Variants in TAFA5 observed in about 807,000 individuals in gnomAD.
TAFA5 encodes the protein chemokine-like protein TAFA-5.
TAFA5 carries 6 observed loss-of-function variants against 15.3 expected under a neutral mutation model. The ratio of observed to expected loss-of-function variants is 0.39; its 90% CI spans 0.21 to 0.77. The LOEUF (loss-of-function observed/expected upper bound fraction) is 0.77. Among genes scored for constraint, TAFA5 ranks in the 30% least tolerant of loss-of-function variants. TAFA5 has a pLI of 0.41. For synonymous variants in TAFA5, 103 were observed against 80.7 expected (o/e 1.28, Z -1.48); for missense variants, 161 against 193.1 (o/e 0.83, Z 0.98).
rs58974376 is a variant in TAFA5, at chr22:48,496,520, A to G, written c.112+6816A>G. Among the ~76,000 whole-genome samples, 510 of 152,262 alleles carry G rather than the reference A, an allele frequency of 3.3e-3. 12 individuals are homozygous for G. In the East Asian group the frequency reaches 0.053, roughly 16 times the overall value. ...GAAACCCTTCTATACAATGATGTCAACCCTGCAGGCAGAGGAGCCAGGGGA... is the reference window on the plus strand; with the variant it reads ...GAAACCCTTCTATACAATGATGTCAGCCCTGCAGGCAGAGGAGCCAGGGGA... On this transcript the variant is annotated intron_variant, in intron 1 of 3. Transcript: ENST00000402357.
At chr22:48,681,600 G>A (rs557588450) in intron 2 of TAFA5, among the ~76,000 whole-genome samples, 5 of 148,816 alleles carry the variant, frequency 3.4e-5, no homozygotes, top group South Asian at 2.1e-4. Context: ...GCAGTGAGCC[G>A]AGATTGTGCC....
chr22:48,708,445 A>G (rs1245552415), intron 3 of TAFA5, among the ~76,000 whole-genome samples: 2 of 152,166 alleles, frequency 1.3e-5, no homozygotes, highest in African/African-American at 4.8e-5. Context: ...GCTCTTCCCA[A>G]GGGCGGGAGC....
chr22:48,591,557 G>A (rs758281262), intron 1 of TAFA5, among the ~76,000 whole-genome samples: 7 of 152,262 alleles, frequency 4.6e-5, no homozygotes, highest in Non-Finnish European at 7.3e-5. Context: ...TCCTGCTGGC[G>A]CAGGGAGTGG....
chr22:48,586,515 G>T (rs1399001334), intron 1 of TAFA5, among the ~76,000 whole-genome samples: 3 of 152,244 alleles, frequency 2.0e-5, no homozygotes, highest in Non-Finnish European at 4.4e-5. Flanking sequence ...GATGGCCCCA[G>T]CAGTGACCTT....
intron 1 of TAFA5, among the ~76,000 whole-genome samples, chr22:48,581,981 G>C (rs1569033953): frequency 6.6e-6 from 1 of 152,098 alleles, no homozygotes; most frequent in East Asian, 1.9e-4. Flanking sequence ...GGGTCTGCGT[G>C]GAACATGGGA....
At chr22:48,497,010 C>T (rs1928350435) in intron 1 of TAFA5, among the ~76,000 whole-genome samples, 1 of 152,222 alleles carries the variant, frequency 6.6e-6, no homozygotes, top group African/African-American at 2.4e-5. Context: ...ACTGGAGGCC[C>T]CCTCCTTATG....
At chr22:48,626,716 C>CT (rs1926036613) in intron 1 of TAFA5, among the ~76,000 whole-genome samples, 1 of 152,150 alleles carries the variant, frequency 6.6e-6, no homozygotes, top group Non-Finnish European at 1.5e-5. Flanking sequence ...AAATGGTTTT[C>CT]TTTCATAGAG....
intron 2 of TAFA5, among the ~76,000 whole-genome samples, chr22:48,693,907 G>A (rs1012792011): frequency 2.0e-5 from 3 of 152,280 alleles, no homozygotes; most frequent in South Asian, 2.1e-4. Context: ...TGTTTCCGCC[G>A]GGTGGGGAAA....
chr22:48,592,666 A>C (rs189994685), intron 1 of TAFA5, among the ~76,000 whole-genome samples: 316 of 110,746 alleles, frequency 2.9e-3, no homozygotes, highest in African/African-American at 7.1e-3. Flanking sequence ...TCCCTCCCTC[A>C]CTCCCTCCTC....
intron 1 of TAFA5, among the ~76,000 whole-genome samples, chr22:48,615,637 C>A (rs1164526748): frequency 6.6e-6 from 1 of 152,208 alleles, no homozygotes; most frequent in African/African-American, 2.4e-5. Flanking sequence ...CTTCTGGCCC[C>A]TGTTCCACAT....
At chr22:48,671,883 A>G (rs769195410) in intron 2 of TAFA5, among the ~76,000 whole-genome samples, 51 of 152,142 alleles carry the variant, frequency 3.4e-4, no homozygotes, top group Non-Finnish European at 6.3e-4. Context: ...AGACCCAAAC[A>G]ATATCTGATG....
chr22:48,697,204 A>G (rs1222461875), intron 2 of TAFA5, among the ~76,000 whole-genome samples: 3 of 152,186 alleles, frequency 2.0e-5, no homozygotes, highest in African/African-American at 7.2e-5. Context: ...GCATCCTCAT[A>G]CCTGAAATGA....
At chr22:48,685,349 C>T (rs1928320520) in intron 2 of TAFA5, among the ~76,000 whole-genome samples, 1 of 152,230 alleles carries the variant, frequency 6.6e-6, no homozygotes, top group African/African-American at 2.4e-5. Flanking sequence ...TGAAATCTCT[C>T]TTGGATCCAG....
chr22:48,562,571 G>A (rs1389876633), intron 1 of TAFA5, among the ~76,000 whole-genome samples: 1 of 151,996 alleles, frequency 6.6e-6, no homozygotes, highest in African/African-American at 2.4e-5. Context: ...ACCAGGGTGA[G>A]CATCTAGGGA....
chr22:48,638,162 G>A (rs564525147), intron 1 of TAFA5, among the ~76,000 whole-genome samples: 10 of 152,190 alleles, frequency 6.6e-5, no homozygotes, highest in Non-Finnish European at 8.8e-5. Context: ...AGTTGCTGGC[G>A]TTGCTCACAA....
intron 1 of TAFA5, among the ~76,000 whole-genome samples, chr22:48,637,336 G>A (rs1926486819): frequency 6.6e-6 from 1 of 150,726 alleles, no homozygotes; most frequent in African/African-American, 2.4e-5. Flanking sequence ...GTGCACACAT[G>A]TGCCCATGGC....
chr22:48,707,246 G>A (rs1044610777), intron 2 of TAFA5, among the ~76,000 whole-genome samples: 3 of 152,160 alleles, frequency 2.0e-5, no homozygotes, highest in African/African-American at 7.2e-5. Context: ...CCCATCTCCA[G>A]CCTGGCCTCA....
intron 2 of TAFA5, among the ~76,000 whole-genome samples, chr22:48,703,259 A>G (rs1928973143): frequency 6.6e-6 from 1 of 152,156 alleles, no homozygotes; most frequent in Non-Finnish European, 1.5e-5. Context: ...GTGTGTGGCC[A>G]GGCATGGCAG....
At chr22:48,650,619 G>A (rs991642982) in intron 2 of TAFA5, among the ~76,000 whole-genome samples, 6 of 152,152 alleles carry the variant, frequency 3.9e-5, no homozygotes, top group Non-Finnish European at 7.4e-5. Context: ...AGCCTCCCCG[G>A]CCTTGTCTCT....
Sources: allele counts gnomAD v4.1 joint callset (sites outside exome capture counted in the v4.1 genomes callset), GRCh38; gene constraint gnomAD v4.1.1; transcripts MANE v1.5; gene names NCBI Gene and HGNC (gene_info 2026-07-23, HGNC 2026-07-21).